FYB2: variants seen among roughly 807,000 people sequenced by gnomAD.
FYB2 encodes FYN-binding protein 2.
FYB2 carries 103 observed loss-of-function variants against 94.1 expected under a neutral mutation model. The observed-to-expected ratio is 1.09, with a 90% confidence interval of 0.93 to 1.29. The LOEUF (loss-of-function observed/expected upper bound fraction) is 1.29, where lower values mean the gene tolerates loss of function less well. Among genes scored for constraint, FYB2 ranks in the 50% most tolerant of loss-of-function variants. The pLI is 0.00. For synonymous variants in FYB2, 293 were observed against 287.9 expected (o/e 1.02, Z -0.18); for missense variants, 896 against 841.5 (o/e 1.06, Z -0.80).
intron 4 of FYB2, among the ~76,000 whole-genome samples, chr1:56,773,398 A>T (rs1217968289): frequency 6.6e-5 from 10 of 152,202 alleles, no homozygotes; most frequent in African/African-American, 2.4e-4. Flanking sequence ...AATCACATTA[A>T]TAGCTACCAT....
Position 56,738,661 on chromosome 1 carries a change from T to C in FYB2, c.1704-8A>G, listed in dbSNP as rs1644883597. Reference sequence around the variant, plus strand: ...AGCAAAATGGAAAATGCACTGTTGATTGACAAAAGACACAAAAGAGTTAAG... The same window carrying C: ...AGCAAAATGGAAAATGCACTGTTGACTGACAAAAGACACAAAAGAGTTAAG... On this transcript the variant is annotated splice_polypyrimidine_tract_variant and splice_region_variant and intron_variant, in intron 13 of 19. Transcript: ENST00000343433. 6.2e-7 allele frequency: 1 copy of C among 1,610,540 alleles called. No homozygotes were observed. The highest frequency in any genetic ancestry group is 1.1e-5 in the South Asian group (1 of 90,458).
At chr1:56,733,456 A>G (rs1644758139) in intron 15 of FYB2, among the ~76,000 whole-genome samples, 1 of 151,724 alleles carries the variant, frequency 6.6e-6, no homozygotes, top group Admixed American at 6.6e-5. Context: ...GATCTTAGTT[A>G]TTTCTTGCCT....
At chr1:56,774,578 A>G (rs953787672) in intron 4 of FYB2, among the ~76,000 whole-genome samples, 3 of 152,116 alleles carry the variant, frequency 2.0e-5, no homozygotes, top group African/African-American at 7.2e-5. Flanking sequence ...ATTTGTGTAT[A>G]TATGTTTTTA....
chr1:56,749,610 G>A (rs1404886029), intron 9 of FYB2, among the ~76,000 whole-genome samples: 1 of 151,694 alleles, frequency 6.6e-6, no homozygotes, highest in Admixed American at 6.6e-5. Flanking sequence ...AACATCTTAT[G>A]TGTTATACCT....
At chr1:56,719,874 A>C (rs1175405650) in intron 19 of FYB2, 148 bp downstream of exon 19, 13 of 1,017,294 alleles carry the variant, frequency 1.3e-5, no homozygotes, top group Non-Finnish European at 1.8e-5. Context: ...GTCTCTTCCA[A>C]CATAATCCTT....
At chr1:56,785,808 G>C (rs952009606) in intron 4 of FYB2, among the ~76,000 whole-genome samples, 4 of 152,134 alleles carry the variant, frequency 2.6e-5, no homozygotes, top group Non-Finnish European at 4.4e-5. Context: ...CATTTCAAAT[G>C]TTTCCTCTTC....
In FYB2 at chr1:56,746,918, GA is replaced by G. The variant is rs1303280193; in HGVS notation, c.1388-2653del. 2.6e-5 allele frequency among the ~76,000 whole-genome samples: 4 copies of G among 152,062 alleles called. No homozygotes were observed. In the East Asian group the frequency reaches 7.8e-4, roughly 30 times the overall value. ...CCAGCTTACAATCTCCACAGTGAAT[GA>G]GAGCTTTAGTTGCTCCATATCTTTA... On this transcript the variant is annotated intron_variant, in intron 9 of 19. Transcript: ENST00000343433.
At chr1:56,820,035 G>A (rs994473262), upstream of FYB2, among the ~76,000 whole-genome samples, 7 of 151,964 alleles carry the variant, frequency 4.6e-5, no homozygotes, top group Admixed American at 1.3e-4. Flanking sequence ...TGAGACCAGC[G>A]TGGCCAACAT....
chr1:56,744,839 A>G (rs1360007322), intron 9 of FYB2, among the ~76,000 whole-genome samples: 7 of 152,082 alleles, frequency 4.6e-5, no homozygotes, highest in Non-Finnish European at 8.8e-5. Context: ...TAAACTTGTC[A>G]TAACCATAAA....
intron 15 of FYB2, among the ~76,000 whole-genome samples, chr1:56,731,289 G>A (rs1301844598): frequency 6.6e-6 from 1 of 151,954 alleles, no homozygotes; most frequent in Admixed American, 6.6e-5. Context: ...TCAATAGCGT[G>A]GACAAGTTAG....
intron 4 of FYB2, among the ~76,000 whole-genome samples, chr1:56,783,740 G>A (rs933248704): frequency 3.3e-5 from 5 of 152,066 alleles, no homozygotes; most frequent in African/African-American, 7.2e-5. Context: ...TTTGTACACT[G>A]CTATATTTTC....
At chr1:56,767,507 A>C (rs1228760593) in intron 5 of FYB2, among the ~76,000 whole-genome samples, 1 of 152,220 alleles carries the variant, frequency 6.6e-6, no homozygotes, top group African/African-American at 2.4e-5. Flanking sequence ...TAGGAAGAGA[A>C]GGAAGAAAAA....
intron 11 of FYB2, among the ~76,000 whole-genome samples, chr1:56,743,372 G>C (rs562826813): frequency 6.6e-6 from 1 of 151,908 alleles, no homozygotes; most frequent in Non-Finnish European, 1.5e-5. Context: ...AATTACAACT[G>C]TGACAAGTAC....
chr1:56,780,400 A>G (rs1227658974), intron 4 of FYB2, among the ~76,000 whole-genome samples: 1 of 152,210 alleles, frequency 6.6e-6, no homozygotes. Flanking sequence ...CTCGATGTGT[A>G]GAGCAAGCCA....
At chr1:56,800,085 A>G (rs184587781) in intron 1 of FYB2, among the ~76,000 whole-genome samples, 54 of 152,324 alleles carry the variant, frequency 3.5e-4, no homozygotes, top group African/African-American at 1.1e-3. Flanking sequence ...GGTTTATCAC[A>G]AGTCTGAACA....
intron 1 of FYB2, among the ~76,000 whole-genome samples, chr1:56,796,866 T>TCTTG (rs1646412366): frequency 6.6e-6 from 1 of 152,218 alleles, no homozygotes; most frequent in Non-Finnish European, 1.5e-5. Flanking sequence ...GTTCAAAATT[T>TCTTG]AACTCGTGTC....
At chr1:56,758,602 T>C (rs1645414654) in intron 6 of FYB2, 114 bp downstream of exon 6, 2 of 823,448 alleles carry the variant, frequency 2.4e-6, no homozygotes, top group Non-Finnish European at 3.6e-6. Context: ...TCCTCAGAAA[T>C]AGGAGGAAAA....
At chr1:56,777,958 T>C (rs1054589868) in intron 4 of FYB2, among the ~76,000 whole-genome samples, 1 of 152,096 alleles carries the variant, frequency 6.6e-6, no homozygotes, top group Non-Finnish European at 1.5e-5. Context: ...TGGTTTTTAA[T>C]AATTTTTTTA....
Position 56,723,705 on chromosome 1 carries a change from GTAAAACGTACTATAA to G in FYB2, c.1881-39_1881-25del, listed in dbSNP as rs764519062. On this transcript the variant is annotated intron_variant, in intron 16 of 19. Coordinates refer to ENST00000343433, the MANE Select transcript of FYB2 (RefSeq NM_001004303.5). ...AACTAGCAAGAAATGTGCAGGTAGG[GTAAAACGTACTATAA>G]TAAAACTTTTTAAGTTTCTGAGCCT... 8.1e-6 allele frequency: 11 copies of G among 1,355,758 alleles called. No homozygotes were observed. In the East Asian group the frequency reaches 2.6e-4, roughly 32 times the overall value. The allele number at this position is 1,355,758 out of a possible 1,614,324, so 84.0% of individuals were successfully genotyped here.
Sources: allele counts gnomAD v4.1 joint callset (sites outside exome capture counted in the v4.1 genomes callset), GRCh38; gene constraint gnomAD v4.1.1; transcripts MANE v1.5; gene names NCBI Gene and HGNC (gene_info 2026-07-23, HGNC 2026-07-21).